PLCB1: variants seen among roughly 807,000 people sequenced by gnomAD.
PLCB1 encodes the protein 1-phosphatidylinositol 4,5-bisphosphate phosphodiesterase beta-1.
A neutral mutation model predicts 161.8 loss-of-function variants in PLCB1; 46 were observed. That is an observed-to-expected ratio of 0.28 (90% CI 0.22 to 0.36). PLCB1 has a LOEUF of 0.36. Among genes scored for constraint, PLCB1 ranks in the 10% least tolerant of loss-of-function variants. PLCB1 has a pLI of 1.00. For missense variants in PLCB1, 1,016 were observed against 1,472.5 expected (o/e 0.69, Z 5.07); for synonymous variants, 517 against 503.7 (o/e 1.03, Z -0.35).
chr20:8,180,938 A>AGTGTGTGTGT (rs10604975), intron 2 of PLCB1, among the ~76,000 whole-genome samples: 1 of 149,616 alleles, frequency 6.7e-6, no homozygotes, highest in South Asian at 2.1e-4. Context: ...ATAATGTAAA[A>AGTGTGTGTGT]GTGTGTGTGT....
chr20:8,438,831 G>A (rs1192158382), intron 3 of PLCB1, among the ~76,000 whole-genome samples: 1 of 152,188 alleles, frequency 6.6e-6, no homozygotes, highest in African/African-American at 2.4e-5. Context: ...TCAGAAAGTG[G>A]CCACTGGTTA....
chr20:8,655,120 T>C (rs1989423261), intron 7 of PLCB1, among the ~76,000 whole-genome samples: 1 of 152,112 alleles, frequency 6.6e-6, no homozygotes. Context: ...TCAGATTATC[T>C]CTTTAATTTG....
At chr20:8,845,653 T>G (rs1371280961) in intron 31 of PLCB1, among the ~76,000 whole-genome samples, 1 of 152,142 alleles carries the variant, frequency 6.6e-6, no homozygotes, top group Non-Finnish European at 1.5e-5. Context: ...ATCAAGGGTT[T>G]TTTTGGTTGA....
chr20:8,646,389 C>CT (rs1198837257), intron 5 of PLCB1, among the ~76,000 whole-genome samples: 21 of 152,210 alleles, frequency 1.4e-4, no homozygotes, highest in Non-Finnish European at 2.9e-4. Context: ...AGCTGCACAT[C>CT]TGTGTTACAC....
chr20:8,741,998 A>G (rs560007431), intron 23 of PLCB1, among the ~76,000 whole-genome samples: 5 of 152,216 alleles, frequency 3.3e-5, no homozygotes, highest in Non-Finnish European at 7.4e-5. Context: ...ATTTAACACA[A>G]TACCTGGAAA....
intron 3 of PLCB1, among the ~76,000 whole-genome samples, chr20:8,476,242 A>T (rs118170953): frequency 1.3e-5 from 2 of 152,324 alleles, no homozygotes; most frequent in East Asian, 3.9e-4. Context: ...AAGTGTTGCA[A>T]TGGATTCTGT....
At chr20:8,730,344 A>T (rs937238646) in intron 18 of PLCB1, among the ~76,000 whole-genome samples, 15 of 151,836 alleles carry the variant, frequency 9.9e-5, no homozygotes, top group African/African-American at 3.6e-4. Flanking sequence ...CATCCTAAAC[A>T]ATCATCCCAC....
chr20:8,438,257 CAT>C (rs1980397356), intron 3 of PLCB1, among the ~76,000 whole-genome samples: 2 of 151,974 alleles, frequency 1.3e-5, no homozygotes, highest in African/African-American at 4.8e-5. Context: ...TACTTCACAC[CAT>C]ATAAGCAAAT....
intron 10 of PLCB1, among the ~76,000 whole-genome samples, chr20:8,692,605 T>A (rs6039239): frequency 0.076 from 11,502 of 152,212 alleles, 524 homozygotes; most frequent in African/African-American, 0.12. Context: ...GTGTATTCCC[T>A]CACACAGCAA....
chr20:8,230,032 G>A (rs951350866), intron 2 of PLCB1, among the ~76,000 whole-genome samples: 1 of 129,318 alleles, frequency 7.7e-6, no homozygotes, highest in Non-Finnish European at 1.6e-5. Flanking sequence ...CTTCAGCCTC[G>A]GCAACAGAGT....
At chr20:8,540,112 A>C (rs887980637) in intron 3 of PLCB1, among the ~76,000 whole-genome samples, 1 of 152,200 alleles carries the variant, frequency 6.6e-6, no homozygotes, top group Non-Finnish European at 1.5e-5. Context: ...TCAATTTTTC[A>C]AGATGTTAAA....
chr20:8,637,068 G>A (rs2081947283), intron 4 of PLCB1, among the ~76,000 whole-genome samples: 1 of 151,432 alleles, frequency 6.6e-6, no homozygotes, highest in Non-Finnish European at 1.5e-5. Flanking sequence ...TTTTTGGAAG[G>A]AAGAGGAGTT....
chr20:8,820,335 G>T (rs1985280870), intron 31 of PLCB1, among the ~76,000 whole-genome samples: 1 of 151,602 alleles, frequency 6.6e-6, no homozygotes, highest in South Asian at 2.1e-4. Context: ...ACTCAAACAG[G>T]TGCTTCTAAT....
chr20:8,650,929 T>C (rs1414987474), intron 7 of PLCB1, among the ~76,000 whole-genome samples: 1 of 152,200 alleles, frequency 6.6e-6, no homozygotes, highest in African/African-American at 2.4e-5. Context: ...AGGACAAGCA[T>C]GTAACATGCT....
intron 3 of PLCB1, among the ~76,000 whole-genome samples, chr20:8,548,664 T>G (rs1240697866): frequency 3.3e-5 from 5 of 152,178 alleles, no homozygotes; most frequent in African/African-American, 1.2e-4. Flanking sequence ...TTCAGATCAC[T>G]TATTTCTACT....
At chr20:8,782,176 T>C (rs1227673934) in intron 27 of PLCB1, among the ~76,000 whole-genome samples, 3 of 152,304 alleles carry the variant, frequency 2.0e-5, no homozygotes, top group Admixed American at 2.0e-4. Flanking sequence ...CATAGAATGA[T>C]CAAGATGCTT....
At chr20:8,376,729 C>T (rs910387355) in intron 3 of PLCB1, among the ~76,000 whole-genome samples, 68 of 152,062 alleles carry the variant, frequency 4.5e-4, no homozygotes, top group African/African-American at 1.5e-3. Context: ...GAGATCGAGA[C>T]CATCCTGGCT....
chr20:8,281,666 A>G (rs2719782), intron 2 of PLCB1, among the ~76,000 whole-genome samples: 3,543 of 152,254 alleles, frequency 0.023, 140 homozygotes, highest in African/African-American at 0.078. Flanking sequence ...TTTTCTTGGT[A>G]TGGTTGCATT....
intron 2 of PLCB1, among the ~76,000 whole-genome samples, chr20:8,283,919 A>G (rs1480898582): frequency 1.3e-5 from 2 of 152,074 alleles, no homozygotes; most frequent in East Asian, 3.8e-4. Context: ...CTACTTATAA[A>G]TTTATGAAAA....
Sources: allele counts gnomAD v4.1 joint callset (sites outside exome capture counted in the v4.1 genomes callset), GRCh38; gene constraint gnomAD v4.1.1; transcripts MANE v1.5; gene names NCBI Gene and HGNC (gene_info 2026-07-23, HGNC 2026-07-21).